The following LRRIQ1 variants were observed in gnomAD, a reference collection of about 807,000 sequenced individuals.
LRRIQ1 encodes the protein leucine-rich repeat- and IQ domain-containing protein 1.
A neutral mutation model predicts 211.9 loss-of-function variants in LRRIQ1; 210 were observed. The observed-to-expected ratio is 0.99, with a 90% CI of 0.89 to 1.11. The LOEUF is 1.11. LRRIQ1 is among the 50% of genes most tolerant of loss of function. LRRIQ1 has a pLI of 0.00. For synonymous variants in LRRIQ1, 699 were observed against 650.1 expected (o/e 1.08, Z -1.14); for missense variants, 2,136 against 1,939.5 (o/e 1.10, Z -1.90).
rs1472572350 is a variant in LRRIQ1 at position 85,072,983 on chromosome 12, C to T, written c.2772C>T (p.Tyr924=). The part of the protein sequence containing the change: ...FCHHLGTSTS[Y]LSLAQVWIPT... ...ATCACTTGGGCACCTCCACTTCTTA[C>T]TTATCCCTGGCACAAGTCTGGATTC... Residue 924 remains tyrosine (Y), a synonymous_variant, in exon 11 of 27, where the codon TAC becomes TAT. Transcript: ENST00000393217. 1.2e-6 allele frequency: 2 copies of T among 1,612,928 alleles called. No homozygotes were observed. The highest frequency in any genetic ancestry group is 1.7e-6 in the Non-Finnish European group (2 of 1,179,304).
chr12:85,230,315 AG>A (rs1894869673), intron 25 of LRRIQ1, among the ~76,000 whole-genome samples: 2 of 152,316 alleles, frequency 1.3e-5, no homozygotes, highest in South Asian at 4.1e-4. Context: ...TCAGCTCCAG[AG>A]GCTACAAGTT....
intron 26 of LRRIQ1, among the ~76,000 whole-genome samples, chr12:85,236,480 G>A (rs1047614254): frequency 5.9e-5 from 9 of 151,960 alleles, no homozygotes; most frequent in South Asian, 4.2e-4. Context: ...AGAGATGCTC[G>A]GTTTCCAGAT....
rs546578000 is a variant in LRRIQ1 at position 85,197,518 on chromosome 12, G to A, written c.4823-31999G>A. On this transcript the variant is annotated intron_variant, in intron 24 of 26. Transcript: ENST00000393217. ...CAGCCATAAAAAATGATGAGTTCATGTCATTTGTAGGGACATGGATGAAAT... is the reference window on the plus strand; with the variant it reads ...CAGCCATAAAAAATGATGAGTTCATATCATTTGTAGGGACATGGATGAAAT... Among the ~76,000 whole-genome samples the A allele has an allele frequency of 3.0e-3, 448 of 150,480 alleles. 2 individuals carry two copies. Among genetic ancestry groups the A allele is most frequent in the African/African-American group, 0.011 (431 of 40,980 alleles).
intron 17 of LRRIQ1, chr12:85,124,979 C>G (rs1412508273): frequency 1.7e-5 from 3 of 175,596 alleles, no homozygotes; most frequent in Non-Finnish European, 2.4e-5. Flanking sequence ...GAGATCGAGA[C>G]CATCCTGGCT....
At chr12:85,064,152 G>T (rs1276235434) in intron 8 of LRRIQ1, among the ~76,000 whole-genome samples, 1 of 151,816 alleles carries the variant, frequency 6.6e-6, no homozygotes, top group Non-Finnish European at 1.5e-5. Context: ...CACCAACAGT[G>T]TAAGAGGTTC....
exon 2 of LRRIQ1, chr12:85,264,142 T>G (rs1188715330): frequency 2.6e-5 from 4 of 152,104 alleles, no homozygotes; most frequent in Admixed American, 6.6e-5. Context: ...TGTATTAATT[T>G]GTATCCCCCA....
chr12:85,209,144 T>C (rs764617357), intron 24 of LRRIQ1, among the ~76,000 whole-genome samples: 1 of 152,170 alleles, frequency 6.6e-6, no homozygotes, highest in Non-Finnish European at 1.5e-5. Context: ...CATTTGAAAA[T>C]ATATCTATAT....
At chr12:85,269,419 A>AC (rs1336882305), downstream of LRRIQ1, among the ~76,000 whole-genome samples, 1 of 152,044 alleles carries the variant, frequency 6.6e-6, no homozygotes, top group African/African-American at 2.4e-5. Flanking sequence ...CAATCAAGTT[A>AC]CCTACACTGA....
At chr12:85,250,731 C>G (rs758565855) in intron 1 of LRRIQ1, among the ~76,000 whole-genome samples, 18 of 140,492 alleles carry the variant, frequency 1.3e-4, no homozygotes, top group Non-Finnish European at 2.4e-4. Context: ...CAGAGCAAGG[C>G]TCTGCTGCTA....
Position 85,066,740 on chromosome 12 carries a change from TG to T in LRRIQ1, c.2545-7del. On this transcript the variant is annotated splice_polypyrimidine_tract_variant and splice_region_variant and intron_variant, in intron 9 of 26. Transcript: ENST00000393217. ...AATAAAACTAATTACATTTGTTCTTTGCTTCAGGAAAACCATATTGAGGCTA... is the reference window on the plus strand; with the variant it reads ...AATAAAACTAATTACATTTGTTCTTTCTTCAGGAAAACCATATTGAGGCTA... The T allele has an allele frequency of 6.3e-7, 1 of 1,579,646 alleles. No homozygotes were observed. Among genetic ancestry groups the T allele is most frequent in the Non-Finnish European group, 8.6e-7 (1 of 1,166,940 alleles).
chr12:85,233,964 T>C (rs1049045254), intron 26 of LRRIQ1, among the ~76,000 whole-genome samples: 5 of 152,068 alleles, frequency 3.3e-5, no homozygotes, highest in Non-Finnish European at 5.9e-5. Flanking sequence ...AGCATGGTGG[T>C]TCAGGCCTGT....
chr12:85,233,598 C>T (rs890747355), intron 26 of LRRIQ1, among the ~76,000 whole-genome samples: 1 of 152,024 alleles, frequency 6.6e-6, no homozygotes, highest in Non-Finnish European at 1.5e-5. Flanking sequence ...ATTTCCAGAC[C>T]AGTTATATTC....
chr12:85,212,691 T>C (rs1326612301), intron 24 of LRRIQ1, among the ~76,000 whole-genome samples: 1 of 150,882 alleles, frequency 6.6e-6, no homozygotes, highest in Admixed American at 6.6e-5. Flanking sequence ...TTACGTTAAA[T>C]TCCATGTATG....
intron 24 of LRRIQ1, among the ~76,000 whole-genome samples, chr12:85,167,135 T>G (rs563689503): frequency 6.0e-4 from 92 of 152,318 alleles, no homozygotes; most frequent in Middle Eastern, 3.4e-3. Flanking sequence ...TTCACTTGGC[T>G]AATTTGTATT....
chr12:85,206,028 C>T (rs1029160326), intron 24 of LRRIQ1, among the ~76,000 whole-genome samples: 14 of 152,116 alleles, frequency 9.2e-5, no homozygotes, highest in South Asian at 6.2e-4. Flanking sequence ...GACCACTGGC[C>T]GCAACACTCT....
chr12:85,066,886 A>T lies in LRRIQ1; in HGVS notation c.2683A>T (p.Ile895Phe). 1.3e-6 allele frequency: 2 copies of T among 1,498,706 alleles called. No individual in the cohort carries two copies. The highest frequency in any genetic ancestry group is 1.8e-6 in the Non-Finnish European group (2 of 1,102,644). The allele number at this position is 1,498,706 out of a possible 1,614,324, so 92.8% of individuals were successfully genotyped here. ...GTGTCTTGAACTTTCATATAATAAAATTACTCGAATTGGTAAGAACAATGA... is the reference window on the plus strand; with the variant it reads ...GTGTCTTGAACTTTCATATAATAAATTTACTCGAATTGGTAAGAACAATGA... Reference protein sequence around the residue: ...IQCLELSYNKITRIGYSFFLE... With the variant: ...IQCLELSYNKFTRIGYSFFLE... The change falls in exon 10 of 27, where the codon ATT becomes TTT. Residue 895 changes from isoleucine to phenylalanine, a missense_variant. Ile to Phe is a conservative substitution (Grantham distance 21). Coordinates refer to ENST00000393217, the MANE Select transcript of LRRIQ1 (RefSeq NM_001079910.2).
intron 24 of LRRIQ1, among the ~76,000 whole-genome samples, chr12:85,218,520 A>G (rs1403865854): frequency 6.6e-6 from 1 of 152,142 alleles, no homozygotes; most frequent in East Asian, 1.9e-4. Context: ...GAGAAGATAA[A>G]TACTTTACCC....
rs774849673 is a variant in LRRIQ1, at chr12:85,038,173, A to C, written c.-4A>C. ...AGCAGTTCTGTGCTTTATTATGAAG[A>C]ATAATGGACGATGATGATGCAAAGC... On this transcript the variant is annotated 5_prime_UTR_variant, in exon 2 of 27. Transcript: ENST00000393217. 2 of 1,546,484 alleles carry C rather than the reference A, an allele frequency of 1.3e-6. No individual in the cohort carries two copies. Among genetic ancestry groups the C allele is most frequent in the East Asian group, 2.4e-5 (1 of 41,300 alleles).
chr12:85,132,757 G>A (rs1296394381), intron 18 of LRRIQ1, among the ~76,000 whole-genome samples: 1 of 151,216 alleles, frequency 6.6e-6, no homozygotes, highest in Non-Finnish European at 1.5e-5. Flanking sequence ...GTGAGACCCT[G>A]TCTCAAAAAA....
Sources: allele counts gnomAD v4.1 joint callset (sites outside exome capture counted in the v4.1 genomes callset), GRCh38; gene constraint gnomAD v4.1.1; transcripts MANE v1.5; gene names NCBI Gene and HGNC (gene_info 2026-07-23, HGNC 2026-07-21).